Variants in MEG3 observed in about 807,000 individuals in gnomAD.
The protein encoded by MEG3 is maternally expressed 3.
At chr14:100,859,926 C>T (rs1162519871) in exon 1 of MEG3, 2 of 152,292 alleles carry the variant, frequency 1.3e-5, no homozygotes, top group Non-Finnish European at 2.9e-5. Flanking sequence ...GACTGTGTGG[C>T]CTGGGCGAGT....
chr14:100,844,402 C>A (rs1229603611), intron 2 of MEG3, among the ~76,000 whole-genome samples: 1 of 152,204 alleles, frequency 6.6e-6, no homozygotes, highest in African/African-American at 2.4e-5. Flanking sequence ...TTCTATGACG[C>A]CTCCTCACCT....
exon 1 of MEG3, chr14:100,834,617 T>C (rs2037501262): frequency 2.2e-6 from 1 of 450,364 alleles, no homozygotes; most frequent in African/African-American, 2.0e-5. Flanking sequence ...TCTCCCTCTC[T>C]TTGTCCCTCC....
chr14:100,833,242 G>A (rs2037448294), downstream of MEG3: 1 of 152,212 alleles, frequency 6.6e-6, no homozygotes, highest in African/African-American at 2.4e-5. Context: ...ACTCACATCT[G>A]GGAGTCCGGA....
Position 100,845,113 on chromosome 14 carries a change from G to A in MEG3, n.3046-345G>A, listed in dbSNP as rs187061544. 6.6e-6 allele frequency among the ~76,000 whole-genome samples: 1 copy of A among 152,306 alleles called. No individual in the cohort carries two copies. Among genetic ancestry groups the A allele is most frequent in the Non-Finnish European group, 1.5e-5 (1 of 68,022 alleles). On this transcript the variant is annotated intron_variant and non_coding_transcript_variant, in intron 2 of 3. Coordinates refer to the MEG3 transcript ENST00000398461. This position sits in a 1 kb window ranked among gnomAD's most constrained non-coding sequence, Gnocchi z 5.2. ...GGCACCTTGCTTCTGCCAGAGCACA[G>A]GTTCATGCCCTGTCTTCAGGGCCTG...
At chr14:100,840,673 T>C (rs768338477) in intron 2 of MEG3, among the ~76,000 whole-genome samples, 6 of 152,202 alleles carry the variant, frequency 3.9e-5, no homozygotes, top group Non-Finnish European at 5.9e-5. Flanking sequence ...CCTGGGATGC[T>C]CACGCTCTTA....
chr14:100,836,635 T>C (rs184641623), intron 2 of MEG3, among the ~76,000 whole-genome samples: 1 of 149,564 alleles, frequency 6.7e-6, no homozygotes, highest in African/African-American at 2.5e-5. Flanking sequence ...GCTGAACACA[T>C]TGCAAAAGGG....
downstream of MEG3, chr14:100,831,961 A>G (rs1011353018): frequency 3.3e-5 from 5 of 152,214 alleles, no homozygotes; most frequent in Non-Finnish European, 7.3e-5. Flanking sequence ...AAGTCAATAA[A>G]GCATTCATGG....
At chr14:100,836,244 C>A (rs1362356490) in exon 2 of MEG3, 1 of 456,658 alleles carries the variant, frequency 2.2e-6, no homozygotes, top group Non-Finnish European at 4.4e-6. Context: ...ATGGGGCCCA[C>A]CATCCCGGAC....
At chr14:100,852,235 A>G (rs1482828707) in intron 3 of MEG3, 1 of 448,426 alleles carries the variant, frequency 2.2e-6, no homozygotes, top group Non-Finnish European at 4.5e-6. Context: ...TGATGGCAGC[A>G]AAGTGGGGTG....
At chr14:100,851,160 A>C (rs2038060757) in intron 3 of MEG3, 1 of 152,242 alleles carries the variant, frequency 6.6e-6, no homozygotes, top group African/African-American at 2.4e-5. Context: ...AGTTGATCTT[A>C]TGTGTCTCTG....
At chr14:100,840,277 C>T (rs150711263) in intron 2 of MEG3, among the ~76,000 whole-genome samples, 1 of 152,320 alleles carries the variant, frequency 6.6e-6, no homozygotes, top group Non-Finnish European at 1.5e-5. Context: ...CTTCGGCTTG[C>T]CTCGACTCTG....
intron 1 of MEG3, among the ~76,000 whole-genome samples, chr14:100,826,861 T>A (rs2037247235): frequency 6.6e-6 from 1 of 152,098 alleles, no homozygotes; most frequent in South Asian, 2.1e-4. Flanking sequence ...GATCAGCCAC[T>A]TTCACAGTGG....
Position 100,845,501 on chromosome 14 carries a change from T to C in MEG3, n.3089T>C, listed in dbSNP as rs1660562633. 1 of 456,626 alleles carries C rather than the reference T, an allele frequency of 2.2e-6. No individual in the cohort carries two copies. Among genetic ancestry groups the C allele is most frequent in the Admixed American group, 2.3e-5 (1 of 42,568 alleles). 28.3% of individuals were successfully genotyped at this position (456,626 alleles called of 1,614,324 possible). A position where few individuals can be genotyped will look rare whatever the true frequency, so the allele number is the denominator to read the frequency against. On this transcript the variant is annotated non_coding_transcript_exon_variant, in exon 3 of 4. Transcript: ENST00000398461. The surrounding 1 kb of genome is among the most constrained non-coding windows in gnomAD (Gnocchi z 5.2). ...TGCCTACGTGGGAAGGGACCTCGAA[T>C]GTGGGACCCCAGCCCCTCTCCAGCT...
chr14:100,860,704 G>C, intron 1 of MEG3: 1 of 456,668 alleles, frequency 2.2e-6, no homozygotes, highest in Non-Finnish European at 4.4e-6. Context: ...CCACAGCCAC[G>C]GGGACACCCT....
intron 3 of MEG3, chr14:100,846,613 A>G (rs2037924800): frequency 6.6e-6 from 1 of 152,258 alleles, no homozygotes; most frequent in Admixed American, 6.5e-5. Context: ...AAATGACCAG[A>G]TGAATGAATG....
chr14:100,847,007 C>T (rs761912000), intron 3 of MEG3: 1 of 148,750 alleles, frequency 6.7e-6, no homozygotes, highest in African/African-American at 2.5e-5. Context: ...TTTTAAAAAA[C>T]CAAAACAACA....
At chr14:100,844,619 C>T (rs1289805433) in intron 2 of MEG3, among the ~76,000 whole-genome samples, 2 of 152,148 alleles carry the variant, frequency 1.3e-5, no homozygotes, top group Non-Finnish European at 2.9e-5. Flanking sequence ...TGGAACGACT[C>T]TGATACATGA....
At chr14:100,857,341 A>G (rs954406431) in exon 1 of MEG3, 1 of 152,146 alleles carries the variant, frequency 6.6e-6, no homozygotes, top group Non-Finnish European at 1.5e-5. Flanking sequence ...TCTCTAAGCC[A>G]TAGGTCACCT....
exon 1 of MEG3, chr14:100,834,571 C>T: frequency 2.5e-6 from 1 of 404,164 alleles, no homozygotes; most frequent in Non-Finnish European, 5.0e-6. Context: ...TTTTCTGCTT[C>T]TGTTGCCTTC....
Sources: allele counts gnomAD v4.1 joint callset (sites outside exome capture counted in the v4.1 genomes callset), GRCh38; gene constraint gnomAD v4.1.1; non-coding constraint Gnocchi (gnomAD v3.1); transcripts MANE v1.5; gene names NCBI Gene and HGNC (gene_info 2026-07-23, HGNC 2026-07-21).